Variants in C19orf12 observed in about 807,000 individuals in gnomAD.
C19orf12 encodes chromosome 19 open reading frame 12, also known as protein C19orf12.
Under a neutral mutation model 3.8 loss-of-function variants are expected in C19orf12, and 2 were observed. The observed-to-expected ratio is 0.53, with a 90% confidence interval of 0.22 to 1.66. The LOEUF (loss-of-function observed/expected upper bound fraction) is 1.66, where lower values mean the gene tolerates loss of function less well. Ranked by LOEUF, C19orf12 falls within the 40% of genes most tolerant of loss-of-function variation. C19orf12 has a pLI of 0.20. For missense variants in C19orf12, 156 were observed against 188.8 expected (o/e 0.83, Z 1.02); for synonymous variants, 89 against 84.6 (o/e 1.05, Z -0.28).
Position 29,708,420 on chromosome 19 carries a change from G to A in C19orf12, c.-7C>T, listed in dbSNP as rs142481023. ...CCTCCACCATGATAGTCATCGTGGC[G>A]GGCCTTCGAGGGAGAAGTTCAGAGG... On this transcript the variant is annotated 5_prime_UTR_variant, in exon 2 of 3. Transcript: ENST00000323670. 12 of 1,613,458 alleles carry A rather than the reference G, an allele frequency of 7.4e-6. No homozygotes were observed. Among genetic ancestry groups the A allele is most frequent in the African/African-American group, 1.3e-5 (1 of 75,034 alleles).
At chr19:29,713,976 T>TTTTCTC (rs3079132) in intron 1 of C19orf12, among the ~76,000 whole-genome samples, 30,248 of 150,120 alleles carry the variant, frequency 0.2, 4,025 homozygotes, top group East Asian at 0.39. Context: ...CCTTCCTTCC[T>TTTTCTC]TTTCTCTTTC....
chr19:29,715,613 G>T, upstream of C19orf12: 2 of 208,536 alleles, frequency 9.6e-6, no homozygotes, highest in South Asian at 9.1e-5. Flanking sequence ...CCTTTGGCCT[G>T]GAGGACCCCT....
At position 29,710,349 on chromosome 19, in the gene C19orf12, C is replaced by T. The variant is rs145593792; in HGVS notation, c.-10-1926G>A. ...CCCAGGAGAGCATCCTGCGCTCCTGCCCCTGTAAATTTCCCTTCTTTTTCC... is the reference window on the plus strand; with the variant it reads ...CCCAGGAGAGCATCCTGCGCTCCTGTCCCTGTAAATTTCCCTTCTTTTTCC... On this transcript the variant is annotated intron_variant, in intron 1 of 2. Transcript: ENST00000323670. Among the ~76,000 whole-genome samples the T allele has an allele frequency of 2.5e-3, 379 of 152,294 alleles. 1 individual carries two copies. Among genetic ancestry groups the T allele is most frequent in the African/African-American group, 8.6e-3 (357 of 41,556 alleles).
Position 29,704,196 on chromosome 19 carries a change from G to A in C19orf12, c.161-1219C>T, listed in dbSNP as rs571577796. On this transcript the variant is annotated intron_variant, in intron 2 of 2. Transcript: ENST00000323670. ...TCGATAAATAACAAACTGGCCGGGC[G>A]CAGTGGCTCACGCCTGTAATCCCAG... is the stretch of plus-strand genomic sequence containing the variant. 9.2e-5 allele frequency among the ~76,000 whole-genome samples: 14 copies of A among 152,268 alleles called. No homozygotes were observed. The South Asian group carries it at 1.9e-3, about 20-fold the overall frequency.
At position 29,701,593 on chromosome 19, in the gene C19orf12, CTT is replaced by C; in HGVS notation, c.*1117_*1118del. ...GGAGAGCTGACTGTACTGGGGAAAT[CTT>C]TAGGGTAGAAACATTTCTTAGAGAT... On this transcript the variant is annotated 3_prime_UTR_variant, in exon 3 of 3. Coordinates refer to ENST00000323670, the MANE Select transcript of C19orf12 (RefSeq NM_031448.6). The C allele has an allele frequency of 4.4e-6, 2 of 454,042 alleles. No individual in the cohort carries two copies. Among genetic ancestry groups the C allele is most frequent in the South Asian group, 3.1e-5 (2 of 64,478 alleles). 28.1% of individuals were successfully genotyped at this position (454,042 alleles called of 1,614,324 possible).
At chr19:29,713,009 C>A (rs1192975577) in intron 1 of C19orf12, among the ~76,000 whole-genome samples, 6 of 152,194 alleles carry the variant, frequency 3.9e-5, no homozygotes, top group African/African-American at 1.4e-4. Flanking sequence ...GGTTCAATTT[C>A]TTTGTAGTAA....
At position 29,701,476 on chromosome 19, in the gene C19orf12, A is replaced by C. The variant is rs955353417; in HGVS notation, c.*1236T>G. 11 of 454,072 alleles carry C rather than the reference A, an allele frequency of 2.4e-5. No homozygotes were observed. Among genetic ancestry groups the C allele is most frequent in the Non-Finnish European group, 4.8e-5 (11 of 226,810 alleles). 28.1% of individuals were successfully genotyped at this position (454,072 alleles called of 1,614,324 possible). ...TTTAGGGAATAATGGCAAGAAAAAA[A>C]GGTCTGTACGTGTTCAGTACCAATG... On this transcript the variant is annotated 3_prime_UTR_variant, in exon 3 of 3. Transcript: ENST00000323670.
Position 29,702,700 on chromosome 19 carries a change from C to G in C19orf12, c.*12G>C, listed in dbSNP as rs1158188154. 3 of 1,613,114 alleles carry G rather than the reference C, an allele frequency of 1.9e-6. No homozygotes were observed. The South Asian group carries it at 3.3e-5, about 18-fold the overall frequency. On this transcript the variant is annotated 3_prime_UTR_variant, in exon 3 of 3. Transcript: ENST00000323670. ...CATTTAAAGGGGCCCCCCACCTCCC[C>G]GGAGGTGCGGCCTAGTCATCATACT...
At chr19:29,713,810 G>A (rs1302622691) in intron 1 of C19orf12, among the ~76,000 whole-genome samples, 1 of 152,108 alleles carries the variant, frequency 6.6e-6, no homozygotes, top group African/African-American at 2.4e-5. Flanking sequence ...CTGAGCAGGG[G>A]CCGTCCCCTG....
chr19:29,703,890 T>C (rs1972244139), intron 2 of C19orf12, among the ~76,000 whole-genome samples: 1 of 152,000 alleles, frequency 6.6e-6, no homozygotes, highest in African/African-American at 2.4e-5. Context: ...ACTTGGAAGC[T>C]GAGGCAGGAG....
rs1305753466 is a variant in C19orf12 at position 29,701,662 on chromosome 19, C to A, written c.*1050G>T. ...CTTCAGAAAGAGCAATACAGGCATA[C>A]CTCATTCTACTATGCTTTGTGAATA... is the stretch of plus-strand genomic sequence containing the variant. On this transcript the variant is annotated 3_prime_UTR_variant, in exon 3 of 3. Transcript: ENST00000323670. 4.4e-6 allele frequency: 2 copies of A among 454,004 alleles called. No homozygotes were observed. Among genetic ancestry groups the A allele is most frequent in the Non-Finnish European group, 8.8e-6 (2 of 226,778 alleles). The allele number at this position is 454,004 out of a possible 1,614,324, so 28.1% of individuals were successfully genotyped here.
intron 2 of C19orf12, chr19:29,705,324 G>T (rs1467162363): frequency 1.6e-5 from 7 of 436,526 alleles, no homozygotes; most frequent in Non-Finnish European, 3.1e-5. Flanking sequence ...GCAAGTCTGA[G>T]AAAGTGTTAA....
Position 29,705,510 on chromosome 19 carries a change from G to GT in C19orf12, c.161-2534dup, listed in dbSNP as rs34868329. 0.27 allele frequency: 56,077 copies of GT among 209,240 alleles called. 4,510 individuals carry two copies. Among genetic ancestry groups the GT allele is most frequent in the South Asian group, 0.37 (6,457 of 17,488 alleles). The allele number at this position is 209,240 out of a possible 1,614,324, so 13.0% of individuals were successfully genotyped here. A position where few individuals can be genotyped will look rare whatever the true frequency, so the allele number is the denominator to read the frequency against. On this transcript the variant is annotated intron_variant, in intron 2 of 2. Transcript: ENST00000323670. ...GTATTCGTTGGTGTTGGTTTCTTAG[G>GT]TTTTTTTTTTTTTTTCCTTAGACAG... is the stretch of plus-strand genomic sequence containing the variant.
chr19:29,700,384 C>A lies in C19orf12; in HGVS notation c.*2328G>T. The A allele has an allele frequency of 2.2e-6, 1 of 454,132 alleles. No homozygotes were observed. Among genetic ancestry groups the A allele is most frequent in the Non-Finnish European group, 4.4e-6 (1 of 226,804 alleles). 28.1% of individuals were successfully genotyped at this position (454,132 alleles called of 1,614,324 possible). On this transcript the variant is annotated 3_prime_UTR_variant, in exon 3 of 3. Coordinates refer to ENST00000323670, the MANE Select transcript of C19orf12 (RefSeq NM_031448.6). Reference sequence around the variant, plus strand: ...CATCTTTGTTGAGGTTTCATTCTCACGATATCTGCAAATCAACGTTTTTTC... The same window carrying A: ...CATCTTTGTTGAGGTTTCATTCTCAAGATATCTGCAAATCAACGTTTTTTC...
Position 29,702,988 on chromosome 19 carries a change from TG to T in C19orf12, c.161-12del. 6.2e-7 allele frequency: 1 copy of T among 1,603,208 alleles called. No homozygotes were observed. The highest frequency in any genetic ancestry group is 1.4e-5 in the African/African-American group (1 of 73,836). On this transcript the variant is annotated splice_polypyrimidine_tract_variant and intron_variant, in intron 2 of 2. Transcript: ENST00000323670. ...CCCCGACAGCCCCCCCTAGAAAACA[TG>T]GAATCGTTCAATTAGTGGGTCTTAT... is the stretch of plus-strand genomic sequence containing the variant.
At chr19:29,709,195 C>A (rs1972537862) in intron 1 of C19orf12, among the ~76,000 whole-genome samples, 1 of 152,246 alleles carries the variant, frequency 6.6e-6, no homozygotes, top group African/African-American at 2.4e-5. Context: ...TACATGAAAT[C>A]ATTCCCAGGC....
At position 29,702,628 on chromosome 19, in the gene C19orf12, G is replaced by A. The variant is rs117867574; in HGVS notation, c.*84C>T. ...TGTGGAGATTCCCCAGGGGGCATCC[G>A]CTGGGCTTCTCCCAACTCCCAAGCC... is the stretch of plus-strand genomic sequence containing the variant. On this transcript the variant is annotated 3_prime_UTR_variant, in exon 3 of 3. Coordinates refer to ENST00000323670, the MANE Select transcript of C19orf12 (RefSeq NM_031448.6). 7,494 of 1,570,548 alleles carry A rather than the reference G, an allele frequency of 4.8e-3. 280 individuals carry two copies. The East Asian group carries it at 0.091, about 19-fold the overall frequency.
At chr19:29,712,690 C>T (rs914890055) in intron 1 of C19orf12, among the ~76,000 whole-genome samples, 2 of 152,202 alleles carry the variant, frequency 1.3e-5, no homozygotes, top group Admixed American at 6.5e-5. Context: ...TTGCATTTCA[C>T]TGTAAAATGG....
chr19:29,705,871 G>A (rs930550242), intron 2 of C19orf12, among the ~76,000 whole-genome samples: 3 of 152,140 alleles, frequency 2.0e-5, no homozygotes, highest in African/African-American at 4.8e-5. Flanking sequence ...TAGGAGAACC[G>A]AAACTGGATG....
Sources: allele counts gnomAD v4.1 joint callset (sites outside exome capture counted in the v4.1 genomes callset), GRCh38; gene constraint gnomAD v4.1.1; transcripts MANE v1.5; gene names NCBI Gene and HGNC (gene_info 2026-07-23, HGNC 2026-07-21).